ACOT7: variants seen among roughly 807,000 people sequenced by gnomAD.
ACOT7 encodes the protein acyl-CoA thioesterase 7.
ACOT7 carries 12 observed loss-of-function variants against 40.2 expected under a neutral mutation model. The observed-to-expected ratio is 0.30, with a 90% CI of 0.19 to 0.48. The LOEUF (loss-of-function observed/expected upper bound fraction) is 0.48, where lower values mean the gene tolerates loss of function less well. ACOT7 is among the 20% of genes least tolerant of loss of function. The probability of loss-of-function intolerance (pLI) is 0.99; values close to 1 mark genes in which losing one functional copy is unlikely to be tolerated. For synonymous variants in ACOT7, 228 were observed against 219.5 expected (o/e 1.04, Z -0.34); for missense variants, 395 against 530.8 (o/e 0.74, Z 2.51).
chr1:6,337,335 C>T (rs569192426), intron 3 of ACOT7, among the ~76,000 whole-genome samples: 1 of 152,254 alleles, frequency 6.6e-6, no homozygotes, highest in East Asian at 1.9e-4. Flanking sequence ...AGCCTCTCCC[C>T]CTCTCAGCCC....
Position 6,339,585 on chromosome 1 carries a change from C to A in ACOT7, c.266G>T (p.Arg89Leu). Reference sequence around the variant, plus strand: ...GACACGAGCCAGGGCGGCCACACAGCGCTCCTGTGGAGACAGAGGCAGTTG... The same window carrying A: ...GACACGAGCCAGGGCGGCCACACAGAGCTCCTGTGGAGACAGAGGCAGTTG... ...TRHCNSQNGE[R>L]CVAALARVER... Residue 89 changes from arginine (R) to leucine (L), a missense_variant, in exon 3 of 9, where the codon CGC becomes CTC. Arg to Leu is a moderately radical substitution (Grantham distance 102). Transcript: ENST00000361521. 6.2e-7 allele frequency: 1 copy of A among 1,613,114 alleles called. No individual in the cohort carries two copies. The highest frequency in any genetic ancestry group is 1.7e-5 in the Admixed American group (1 of 60,012).
chr1:6,303,098 C>G (rs865790554), intron 6 of ACOT7, among the ~76,000 whole-genome samples: 1 of 152,188 alleles, frequency 6.6e-6, no homozygotes, highest in South Asian at 2.1e-4. Flanking sequence ...TTTAAAATAT[C>G]GAGTGCCTAA....
chr1:6,268,510 GGCTTTACAAGCGGTGGGCTGCGGGCAGA>G (rs1360309825), intron 8 of ACOT7, among the ~76,000 whole-genome samples: 1 of 152,230 alleles, frequency 6.6e-6, no homozygotes, highest in Non-Finnish European at 1.5e-5. Flanking sequence ...ACGGGGACTT[GGCTTTACAAGCGGTGGGCTGCGGGCAGA>G]GCTGAGGGAG....
chr1:6,389,591 C>T lies in ACOT7; in HGVS notation c.143+3666G>A, dbSNP rs147252842. Among the ~76,000 whole-genome samples the T allele has an allele frequency of 1.2e-3, 179 of 152,116 alleles. 1 individual carries two copies. The highest frequency in any genetic ancestry group is 3.4e-3 in the Middle Eastern group (1 of 292). On this transcript the variant is annotated intron_variant, in intron 1 of 8. Coordinates refer to ENST00000361521, the MANE Select transcript of ACOT7 (RefSeq NM_007274.4). ...TCTGTTCCCTTCGTGACCAGCCTGA[C>T]CAACATGGTGAAACTCCATCTCTAC... is the stretch of plus-strand genomic sequence containing the variant.
In ACOT7 at chr1:6,311,767, GCGCCC is replaced by G. The variant is rs1471903225; in HGVS notation, c.712+6720_712+6724del. On this transcript the variant is annotated intron_variant, in intron 6 of 8. Coordinates refer to ENST00000361521, the MANE Select transcript of ACOT7 (RefSeq NM_007274.4). The surrounding 1 kb of genome is among the most constrained non-coding windows in gnomAD (Gnocchi z 5.2). ...CACTCATGGACACACGAGTCCAGGAGCGCCCCTTTCTCACAGCCGTTTCTCTTTCC... is the reference window on the plus strand; with the variant it reads ...CACTCATGGACACACGAGTCCAGGAGCTTTCTCACAGCCGTTTCTCTTTCC... 6.6e-6 allele frequency among the ~76,000 whole-genome samples: 1 copy of G among 152,226 alleles called. No homozygotes were observed. The highest frequency in any genetic ancestry group is 2.4e-5 in the African/African-American group (1 of 41,456).
chr1:6,300,779 C>T lies in ACOT7; in HGVS notation c.713-5799G>A, dbSNP rs1053869073. Among the ~76,000 whole-genome samples, 6 of 151,926 alleles carry T rather than the reference C, an allele frequency of 3.9e-5. No homozygotes were observed. In the South Asian group the frequency reaches 6.2e-4, roughly 16 times the overall value. ...CCGGCCCCTCCCCTCTCCACAAACA[C>T]GGAATCTCACCGGACAGCACCCTAT... On this transcript the variant is annotated intron_variant, in intron 6 of 8. Coordinates refer to ENST00000361521, the MANE Select transcript of ACOT7 (RefSeq NM_007274.4).
chr1:6,295,036 A>C, intron 6 of ACOT7, 56 bp from the exon 7 acceptor site: 13 of 1,387,744 alleles, frequency 9.4e-6, no homozygotes, highest in African/African-American at 1.4e-5. Context: ...AGATTATTTC[A>C]CACCCTGGAA....
intron 4 of ACOT7, among the ~76,000 whole-genome samples, chr1:6,329,101 A>G (rs1351762561): frequency 6.6e-6 from 1 of 152,266 alleles, no homozygotes; most frequent in Non-Finnish European, 1.5e-5. Context: ...CTCTGACCTA[A>G]GCAAGTTCAC....
intron 6 of ACOT7, among the ~76,000 whole-genome samples, chr1:6,300,350 C>T (rs1438916831): frequency 6.6e-6 from 1 of 152,090 alleles, no homozygotes; most frequent in Admixed American, 6.5e-5. Flanking sequence ...TGGTGCCAGG[C>T]ATGGCCCAGC....
intron 1 of ACOT7, among the ~76,000 whole-genome samples, chr1:6,372,761 G>C (rs527585914): frequency 5.3e-5 from 8 of 152,168 alleles, no homozygotes; most frequent in African/African-American, 1.7e-4. Flanking sequence ...TGTTGGCCAG[G>C]CTGGTCTCGA....
intron 5 of ACOT7, among the ~76,000 whole-genome samples, chr1:6,320,832 G>A (rs1640624120): frequency 6.6e-6 from 1 of 152,328 alleles, no homozygotes; most frequent in Non-Finnish European, 1.5e-5. Flanking sequence ...CCTCTGCGCT[G>A]ACCTCAGAGC....
chr1:6,285,488 G>C (rs1350839465), intron 7 of ACOT7, among the ~76,000 whole-genome samples: 1 of 152,244 alleles, frequency 6.6e-6, no homozygotes, highest in Non-Finnish European at 1.5e-5. Context: ...GGGCAGCACA[G>C]ACTGATTCCG....
intron 3 of ACOT7, among the ~76,000 whole-genome samples, chr1:6,335,359 G>C (rs1041728283): frequency 1.1e-4 from 17 of 151,520 alleles, no homozygotes; most frequent in African/African-American, 4.1e-4. Context: ...AAAATTAGCT[G>C]GGCATGGCGG....
intron 1 of ACOT7, among the ~76,000 whole-genome samples, chr1:6,360,361 G>A (rs1641861682): frequency 6.6e-6 from 1 of 152,198 alleles, no homozygotes; most frequent in Admixed American, 6.5e-5. Context: ...CCCCACCCAG[G>A]CAGCCTGCCG....
chr1:6,295,115 G>A, intron 6 of ACOT7, 135 bp from the exon 7 acceptor site: 2 of 627,190 alleles, frequency 3.2e-6, no homozygotes, highest in South Asian at 1.9e-5. Flanking sequence ...AGGGGTGCAG[G>A]GTGCTCGGCC....
intron 3 of ACOT7, 137 bp downstream of exon 3, chr1:6,339,296 G>T: frequency 1.6e-6 from 2 of 1,232,636 alleles, no homozygotes; most frequent in Admixed American, 2.3e-5. Flanking sequence ...TGCTCCCAGG[G>T]CCATGGTGGG....
intron 2 of ACOT7, among the ~76,000 whole-genome samples, chr1:6,346,677 G>A (rs923216434): frequency 6.6e-6 from 1 of 152,248 alleles, no homozygotes; most frequent in African/African-American, 2.4e-5. Context: ...TACTGCTGGA[G>A]AACAAACCAG....
intron 1 of ACOT7, among the ~76,000 whole-genome samples, chr1:6,381,830 C>T (rs981709499): frequency 2.0e-5 from 3 of 151,916 alleles, no homozygotes; most frequent in African/African-American, 7.2e-5. Flanking sequence ...GAACATGATT[C>T]AGTCTTTAAA....
chr1:6,362,976 G>A (rs1641923021), intron 1 of ACOT7, among the ~76,000 whole-genome samples: 1 of 152,148 alleles, frequency 6.6e-6, no homozygotes, highest in African/African-American at 2.4e-5. Context: ...AAGGGCATGA[G>A]CTTTTCCAGT....
Sources: gnomAD v4.1 joint callset for allele counts (sites outside exome capture counted in the v4.1 genomes callset) on GRCh38, gnomAD v4.1.1 for gene constraint, Gnocchi (gnomAD v3.1) non-coding constraint, MANE v1.5 for transcripts, NCBI Gene and HGNC (gene_info 2026-07-23, HGNC 2026-07-21) for gene names.